The following PIGQ variants were observed in gnomAD, a reference collection of about 807,000 sequenced individuals.
The protein encoded by PIGQ is phosphatidylinositol glycan anchor biosynthesis class Q.
A neutral mutation model predicts 60.3 loss-of-function variants in PIGQ; 54 were observed. The observed-to-expected ratio is 0.90, with a 90% CI of 0.72 to 1.12. The LOEUF (loss-of-function observed/expected upper bound fraction) is 1.12. PIGQ is among the 50% of genes most tolerant of loss of function. PIGQ has a pLI of 0.00. For synonymous variants in PIGQ, 416 were observed against 363.7 expected (o/e 1.14, Z -1.64); for missense variants, 799 against 793.5 (o/e 1.01, Z -0.08).
chr16:575,707 G>A (rs2035704770), intron 2 of PIGQ, 132 bp from the exon 3 acceptor site: 1 of 944,680 alleles, frequency 1.1e-6, no homozygotes, highest in Non-Finnish European at 1.6e-6. Context: ...GCCACCGAGG[G>A]CCCCTCCCAC....
chr16:579,194 T>G lies in PIGQ; in HGVS notation c.1335+14T>G. 6.2e-7 allele frequency: 1 copy of G among 1,603,766 alleles called. No individual in the cohort carries two copies. Among genetic ancestry groups the G allele is most frequent in the Non-Finnish European group, 8.5e-7 (1 of 1,171,810 alleles). ...GACCTGGACCAGGTATGGGGCAGGGTTCGTGGCTGGAGGGGCTGACTGCCT... is the reference window on the plus strand; with the variant it reads ...GACCTGGACCAGGTATGGGGCAGGGGTCGTGGCTGGAGGGGCTGACTGCCT... On this transcript the variant is annotated intron_variant, in intron 7 of 10. Transcript: ENST00000321878.
chr16:574,101 G>A lies in PIGQ; in HGVS notation c.27G>A (p.Thr9=), dbSNP rs61753370. MVLKAFFP[T]CCVSTDSGLL... is the part of the protein sequence containing the mutation. ...TGGTGCTCAAGGCCTTCTTCCCCAC[G>A]TGCTGCGTCTCGACGGACAGCGGGC... Residue 9 remains threonine, a synonymous_variant, in exon 2 of 11, where the codon ACG becomes ACA. Transcript: ENST00000321878. The A allele has an allele frequency of 0.028, 45,419 of 1,607,878 alleles. 744 individuals carry two copies. Among genetic ancestry groups the A allele is most frequent in the Non-Finnish European group, 0.035 (40,644 of 1,178,074 alleles).
Position 582,180 on chromosome 16 carries a change from G to C in PIGQ, c.1532-68G>C, listed in dbSNP as rs4984897. ...GTGCCCCTCAGAGAGGAAGGTACCT[G>C]CAGCCTCTGCTCATGTGTGGGGCCA... On this transcript the variant is annotated intron_variant, in intron 9 of 10. Transcript: ENST00000321878. The C allele has an allele frequency of 0.41, 470,046 of 1,138,832 alleles. 102,970 individuals carry two copies. The highest frequency in any genetic ancestry group is 0.66 in the East Asian group (25,683 of 38,634). 70.5% of individuals were successfully genotyped at this position (1,138,832 alleles called of 1,614,324 possible).
intron 4 of PIGQ, chr16:576,768 T>G: frequency 5.2e-6 from 2 of 386,100 alleles, no homozygotes; most frequent in Non-Finnish European, 9.2e-6. Flanking sequence ...TGTGCCCCGT[T>G]TCCAGCCGGG....
chr16:580,658 A>G, intron 8 of PIGQ, 200 bp from the exon 9 acceptor site: 1 of 600,010 alleles, frequency 1.7e-6, no homozygotes, highest in South Asian at 2.0e-5. Context: ...ACCTGGTGAG[A>G]GGGCCGGGTG....
intron 10 of PIGQ, 24 bp downstream of exon 10, chr16:582,333 G>T (rs765686289): frequency 6.4e-7 from 1 of 1,554,562 alleles, no homozygotes; most frequent in Admixed American, 1.8e-5. Context: ...TGGCCAGGAC[G>T]CCCCTACGCT....
chr16:580,168 G>A lies in PIGQ; in HGVS notation c.1336-15G>A. 6.2e-7 allele frequency: 1 copy of A among 1,604,136 alleles called. No homozygotes were observed. Among genetic ancestry groups the A allele is most frequent in the Non-Finnish European group, 8.5e-7 (1 of 1,173,964 alleles). The stretch of plus-strand genomic sequence containing the variant: ...GGGTCCTGCTGATGCCCGGTGTGCT[G>A]GCCCCTCCCTACAGCTGTTCATCGG... On this transcript the variant is annotated splice_polypyrimidine_tract_variant and intron_variant, in intron 7 of 10. Transcript: ENST00000321878.
In PIGQ at chr16:578,610, G is replaced by A. The variant is rs551968989; in HGVS notation, c.1069+105G>A. The A allele has an allele frequency of 1.1e-4, 156 of 1,449,328 alleles. No individual in the cohort carries two copies. In the African/African-American group the frequency reaches 1.8e-3, roughly 17 times the overall value. 89.8% of individuals were successfully genotyped at this position (1,449,328 alleles called of 1,614,324 possible). A position where few individuals can be genotyped will look rare whatever the true frequency, so the allele number is the denominator to read the frequency against. Reference sequence around the variant, plus strand: ...TGTGCCCCCAACTCTGCTCCCCAGCGTCCTGTGTGTGTGAGGCCTGCTGTG... The same window carrying A: ...TGTGCCCCCAACTCTGCTCCCCAGCATCCTGTGTGTGTGAGGCCTGCTGTG... On this transcript the variant is annotated intron_variant, in intron 5 of 10. Transcript: ENST00000321878.
chr16:578,899 T>A lies in PIGQ; in HGVS notation c.1184T>A (p.Leu395His), dbSNP rs763899132. Residue 395 changes from leucine (L) to histidine (H), a missense_variant, in exon 6 of 11, where the codon CTC becomes CAC. By Grantham distance (99) the Leu-to-His change is moderately conservative. Coordinates refer to ENST00000321878, the MANE Select transcript of PIGQ (RefSeq NM_004204.5). ...LSLLSDIIAL[L>H]TFHIYCFYVY... ...CTCCTCTCGGACATTATCGCCCTCC[T>A]CACCTTCCACATCTACTGCTTTTAC... is the stretch of plus-strand genomic sequence containing the variant. 66 of 1,613,262 alleles carry A rather than the reference T, an allele frequency of 4.1e-5. No homozygotes were observed. Among genetic ancestry groups the A allele is most frequent in the Non-Finnish European group, 5.3e-5 (62 of 1,179,922 alleles).
At position 578,795 on chromosome 16, in the gene PIGQ, C is replaced by T. The variant is rs1246339172; in HGVS notation, c.1080C>T (p.His360=). 9.9e-6 allele frequency: 16 copies of T among 1,613,478 alleles called. No individual in the cohort carries two copies. Among genetic ancestry groups the T allele is most frequent in the Non-Finnish European group, 1.4e-5 (16 of 1,179,852 alleles). The part of the protein sequence containing the change: ...YHIHLWISYI[H]LMSPFVEHIL... ...ACCCCACCCTGCCAGGCTACATCCA[C>T]CTCATGTCCCCCTTCGTGGAGCACA... The change falls in exon 6 of 11, where the codon CAC becomes CAT. Residue 360 remains histidine, a synonymous_variant. Transcript: ENST00000321878.
chr16:583,041 C>G lies in PIGQ; in HGVS notation c.*6C>G. On this transcript the variant is annotated 3_prime_UTR_variant, in exon 11 of 11. Transcript: ENST00000321878. ...GAGGGGACAAGCAGGACTGAGGGAACTGCTGGCTCGCCTGGCACCACCACA... is the reference window on the plus strand; with the variant it reads ...GAGGGGACAAGCAGGACTGAGGGAAGTGCTGGCTCGCCTGGCACCACCACA... The G allele has an allele frequency of 6.2e-7, 1 of 1,613,068 alleles. No individual in the cohort carries two copies. Among genetic ancestry groups the G allele is most frequent in the Non-Finnish European group, 8.5e-7 (1 of 1,179,988 alleles).
At chr16:571,289 C>CAT (rs2035620176) in intron 1 of PIGQ, among the ~76,000 whole-genome samples, 1 of 3,272 alleles carries the variant, frequency 3.1e-4, no homozygotes. Context: ...GCCTGGCGCC[C>CAT]GTGTGTGTGT....
At position 580,263 on chromosome 16, in the gene PIGQ, G is replaced by C. The variant is rs2035790927; in HGVS notation, c.1416G>C (p.Leu472=). The change falls in exon 8 of 11, where the codon CTG becomes CTC. Residue 472 remains leucine, a splice_region_variant and synonymous_variant. Coordinates refer to ENST00000321878, the MANE Select transcript of PIGQ (RefSeq NM_004204.5). ...CCCTGTACTACCTGGTGTTCACCCT[G>C]GTGAGCTGAGCACCCACAGGCTGGG... ...TTALYYLVFT[L]LRLLVVAVQG... 1 of 1,606,416 alleles carries C rather than the reference G, an allele frequency of 6.2e-7. No individual in the cohort carries two copies. Among genetic ancestry groups the C allele is most frequent in the Non-Finnish European group, 8.5e-7 (1 of 1,175,060 alleles).
chr16:582,790 G>A (rs2151050141), intron 10 of PIGQ, 93 bp from the exon 11 acceptor site: 11 of 1,317,714 alleles, frequency 8.3e-6, no homozygotes, highest in Non-Finnish European at 1.2e-5. Flanking sequence ...AGACAGCACT[G>A]GCCCTGCCTC....
At chr16:581,124 C>G in intron 9 of PIGQ, 152 bp downstream of exon 9, 1 of 1,445,794 alleles carries the variant, frequency 6.9e-7, no homozygotes, top group Non-Finnish European at 9.3e-7. Context: ...ACAGGGCCTC[C>G]TAGTCCCAGA....
At chr16:570,713 C>T (rs1266402925) in intron 1 of PIGQ, 2 of 152,334 alleles carry the variant, frequency 1.3e-5, no homozygotes, top group African/African-American at 4.8e-5. Context: ...ATCCGCCCGC[C>T]TCGGCCTCCC....
At chr16:572,968 G>A (rs374624178) in intron 1 of PIGQ, among the ~76,000 whole-genome samples, 17 of 152,248 alleles carry the variant, frequency 1.1e-4, no homozygotes, top group East Asian at 3.8e-4. Context: ...CAGGCGAGAT[G>A]GGGCTTTCTG....
chr16:573,976 G>C, intron 1 of PIGQ, 90 bp from the exon 2 acceptor site: 1 of 886,964 alleles, frequency 1.1e-6, no homozygotes, highest in Non-Finnish European at 1.7e-6. Flanking sequence ...CCCTGTGGCT[G>C]CACCTGTCAG....
At position 583,767 on chromosome 16, in the gene PIGQ, C is replaced by A; in HGVS notation, c.*732C>A. ...GCCCCGTAGCAGCAGGTCCTGCGGC[C>A]AAATCTGTCTCCCTTCATGGGCCTC... On this transcript the variant is annotated 3_prime_UTR_variant, in exon 11 of 11. Transcript: ENST00000321878. 2 of 992,576 alleles carry A rather than the reference C, an allele frequency of 2.0e-6. No individual in the cohort carries two copies. The highest frequency in any genetic ancestry group is 3.1e-6 in the Non-Finnish European group (2 of 641,292). The allele number at this position is 992,576 out of a possible 1,614,324, so 61.5% of individuals were successfully genotyped here. A position where few individuals can be genotyped will look rare whatever the true frequency, so the allele number is the denominator to read the frequency against.
Sources: gnomAD v4.1 joint callset for allele counts (sites outside exome capture counted in the v4.1 genomes callset) on GRCh38, gnomAD v4.1.1 for gene constraint, MANE v1.5 for transcripts, NCBI Gene and HGNC (gene_info 2026-07-23, HGNC 2026-07-21) for gene names.